CA10: variants seen among roughly 807,000 people sequenced by gnomAD.
CA10 encodes the protein carbonic anhydrase 10 (inactive), also known as carbonic anhydrase-related protein 10.
Under a neutral mutation model 44.2 loss-of-function variants are expected in CA10, and 14 were observed. The observed-to-expected ratio is 0.32, with a 90% confidence interval of 0.21 to 0.50. The LOEUF (loss-of-function observed/expected upper bound fraction) is 0.50. Among genes scored for constraint, CA10 ranks in the 20% least tolerant of loss-of-function variants. The pLI is 0.99. For missense variants in CA10, 350 were observed against 409.7 expected (o/e 0.85, Z 1.26); for synonymous variants, 159 against 141.6 (o/e 1.12, Z -0.87).
intron 1 of CA10, among the ~76,000 whole-genome samples, chr17:52,152,681 T>C (rs961083408): frequency 2.0e-5 from 3 of 152,154 alleles, no homozygotes; most frequent in Non-Finnish European, 4.4e-5. Flanking sequence ...TATATCATTC[T>C]AAACTATGTG....
intron 1 of CA10, among the ~76,000 whole-genome samples, chr17:52,110,633 G>A (rs979111989): frequency 1.3e-5 from 2 of 152,176 alleles, no homozygotes; most frequent in African/African-American, 2.4e-5. Flanking sequence ...GTCGGGGGAG[G>A]AGCTAAGCTG....
intron 2 of CA10, among the ~76,000 whole-genome samples, chr17:51,966,957 A>G (rs1338012957): frequency 6.6e-6 from 1 of 151,972 alleles, no homozygotes; most frequent in African/African-American, 2.4e-5. Context: ...GAAACTACAC[A>G]TCTGACGAAG....
intron 1 of CA10, among the ~76,000 whole-genome samples, chr17:52,153,450 T>C (rs1192644001): frequency 6.6e-6 from 1 of 152,174 alleles, no homozygotes; most frequent in Non-Finnish European, 1.5e-5. Context: ...AAAAATTCGC[T>C]GATCCCCTGG....
rs981605107 is a variant in CA10, at chr17:51,962,709, G to A, written c.137-31577C>T. 2.6e-5 allele frequency among the ~76,000 whole-genome samples: 4 copies of A among 152,058 alleles called. No homozygotes were observed. The South Asian group carries it at 8.3e-4, about 32-fold the overall frequency. ...GGTCACACCCCACAGGGAGTGGGGG[G>A]AAAGAGAAAGGGAAAGAAAAAACCC... On this transcript the variant is annotated intron_variant, in intron 2 of 8. Transcript: ENST00000451037.
chr17:51,754,437 A>ATATATATATG (rs1905015513), intron 3 of CA10, among the ~76,000 whole-genome samples: 1 of 129,262 alleles, frequency 7.7e-6, no homozygotes, highest in Non-Finnish European at 1.6e-5. Context: ...ATATATATAT[A>ATATATATATG]TATATATATA....
intron 1 of CA10, among the ~76,000 whole-genome samples, chr17:52,093,173 G>T (rs1021696592): frequency 2.0e-5 from 3 of 152,106 alleles, no homozygotes; most frequent in African/African-American, 7.2e-5. Context: ...TATCAGGGAA[G>T]TAAAGAGGAC....
chr17:51,817,742 T>C (rs1434769364), intron 3 of CA10, among the ~76,000 whole-genome samples: 2 of 152,182 alleles, frequency 1.3e-5, no homozygotes, highest in East Asian at 3.8e-4. Context: ...CCCATATCTT[T>C]GCAGTGGTAC....
At chr17:51,800,487 T>C (rs1906884304) in intron 3 of CA10, among the ~76,000 whole-genome samples, 1 of 152,198 alleles carries the variant, frequency 6.6e-6, no homozygotes, top group Non-Finnish European at 1.5e-5. Flanking sequence ...AAGAATTTTA[T>C]GGTGTCTCAA....
chr17:51,733,352 G>A (rs746775855), intron 4 of CA10, among the ~76,000 whole-genome samples: 4 of 152,104 alleles, frequency 2.6e-5, no homozygotes, highest in East Asian at 1.9e-4. Context: ...CTGTTGTTCC[G>A]TCTCGTTTCC....
At chr17:52,080,726 T>TC (rs1431406159) in intron 1 of CA10, among the ~76,000 whole-genome samples, 1 of 151,926 alleles carries the variant, frequency 6.6e-6, no homozygotes, top group Non-Finnish European at 1.5e-5. Flanking sequence ...CTGCCCTTTT[T>TC]CCCCCCGAAA....
intron 1 of CA10, among the ~76,000 whole-genome samples, chr17:52,105,106 T>G (rs1302303281): frequency 6.6e-6 from 1 of 152,148 alleles, no homozygotes; most frequent in Non-Finnish European, 1.5e-5. Flanking sequence ...ATTTGTAAGA[T>G]GATTAGGGTC....
At chr17:52,081,661 G>A (rs551400536) in intron 1 of CA10, among the ~76,000 whole-genome samples, 89 of 152,106 alleles carry the variant, frequency 5.9e-4, no homozygotes, top group African/African-American at 2.1e-3. Context: ...TTAGCCGGGC[G>A]TAGTGGTGGG....
At chr17:51,878,682 T>A (rs1980199279) in intron 3 of CA10, among the ~76,000 whole-genome samples, 1 of 151,608 alleles carries the variant, frequency 6.6e-6, no homozygotes, top group Admixed American at 6.6e-5. Context: ...CTCAATCAGA[T>A]TATTGCATGT....
intron 3 of CA10, among the ~76,000 whole-genome samples, chr17:51,893,128 G>A (rs1447899091): frequency 6.6e-6 from 1 of 151,956 alleles, no homozygotes; most frequent in Non-Finnish European, 1.5e-5. Context: ...CAGGCTAACA[G>A]ATAAAAAGAC....
chr17:52,119,693 T>G (rs1474979480), intron 1 of CA10, among the ~76,000 whole-genome samples: 1 of 152,204 alleles, frequency 6.6e-6, no homozygotes, highest in East Asian at 1.9e-4. Context: ...GTGCTGTACT[T>G]TATGCAAATA....
At chr17:52,112,725 A>G (rs1241585555) in intron 1 of CA10, among the ~76,000 whole-genome samples, 1 of 152,214 alleles carries the variant, frequency 6.6e-6, no homozygotes, top group African/African-American at 2.4e-5. Context: ...TCAGGATTCA[A>G]TAACTATTAG....
chr17:52,078,827 T>C (rs1338197870), intron 1 of CA10, among the ~76,000 whole-genome samples: 1 of 152,188 alleles, frequency 6.6e-6, no homozygotes, highest in Non-Finnish European at 1.5e-5. Context: ...CTCAGGTGCT[T>C]GACTTTTACA....
chr17:52,116,114 C>A (rs911176114), intron 1 of CA10, among the ~76,000 whole-genome samples: 2 of 152,036 alleles, frequency 1.3e-5, no homozygotes, highest in Non-Finnish European at 2.9e-5. Flanking sequence ...AAGTTTCTCT[C>A]CCTGTTGGAG....
At chr17:51,742,078 T>C (rs190905295) in intron 4 of CA10, among the ~76,000 whole-genome samples, 1 of 152,160 alleles carries the variant, frequency 6.6e-6, no homozygotes, top group Admixed American at 6.5e-5. Context: ...CTGTAATAGA[T>C]GAATACACAG....
Sources: allele counts gnomAD v4.1 joint callset (sites outside exome capture counted in the v4.1 genomes callset), GRCh38; gene constraint gnomAD v4.1.1; transcripts MANE v1.5; gene names NCBI Gene and HGNC (gene_info 2026-07-23, HGNC 2026-07-21).